Variants in PSD3 observed in about 807,000 individuals in gnomAD.
The protein encoded by PSD3 is pleckstrin and Sec7 domain containing 3, also known as PH and SEC7 domain-containing protein 3.
Under a neutral mutation model 105.5 loss-of-function variants are expected in PSD3, and 49 were observed. That is an observed-to-expected ratio of 0.46 (90% CI 0.37 to 0.59). PSD3 has a LOEUF of 0.59. PSD3 is among the 20% of genes least tolerant of loss of function. PSD3 has a pLI of 0.00. For synonymous variants in PSD3, 557 were observed against 457.8 expected (o/e 1.22, Z -2.77); for missense variants, 1,561 against 1,263.8 (o/e 1.24, Z -3.57).
At chr8:18,580,219 A>G (rs17643851) in intron 12 of PSD3, among the ~76,000 whole-genome samples, 5,468 of 152,226 alleles carry the variant, frequency 0.036, 162 homozygotes, top group East Asian at 0.11. Context: ...TGAGCTCACA[A>G]GAAAGCAGGA....
At chr8:18,606,229 C>G (rs1210282270) in intron 11 of PSD3, among the ~76,000 whole-genome samples, 1 of 152,146 alleles carries the variant, frequency 6.6e-6, no homozygotes, top group African/African-American at 2.4e-5. Context: ...TCACTTCATT[C>G]CACTTGTGAC....
intron 1 of PSD3, among the ~76,000 whole-genome samples, chr8:19,083,648 G>A (rs1318167703): frequency 6.6e-6 from 1 of 151,222 alleles, no homozygotes; most frequent in African/African-American, 2.5e-5. Context: ...CTGTGCTCCG[G>A]TTCTGGAAAC....
chr8:18,992,760 GACTTGAAGTCAACACCTGAGT>G (rs1179337998), intron 1 of PSD3, among the ~76,000 whole-genome samples: 1 of 151,962 alleles, frequency 6.6e-6, no homozygotes, highest in Admixed American at 6.6e-5. Context: ...TTAAGTAGTG[GACTTGAAGTCAACACCTGAGT>G]ACTTGTCCAA....
intron 4 of PSD3, among the ~76,000 whole-genome samples, chr8:18,864,148 T>C (rs867956478): frequency 2.6e-5 from 4 of 152,222 alleles, no homozygotes; most frequent in African/African-American, 7.2e-5. Flanking sequence ...GTTGAAGATA[T>C]CTGGTCTTGT....
At chr8:19,057,573 C>A (rs1468503291) in intron 1 of PSD3, among the ~76,000 whole-genome samples, 2 of 152,102 alleles carry the variant, frequency 1.3e-5, no homozygotes, top group Non-Finnish European at 2.9e-5. Context: ...CCATCCTTAG[C>A]CACCTTACCC....
At chr8:18,859,235 T>C (rs898005783) in intron 4 of PSD3, among the ~76,000 whole-genome samples, 14 of 151,778 alleles carry the variant, frequency 9.2e-5, no homozygotes, top group Non-Finnish European at 1.8e-4. Context: ...TTTTTTTTTT[T>C]TTTTTTGCCT....
intron 1 of PSD3, among the ~76,000 whole-genome samples, chr8:18,956,329 C>G (rs2129470680): frequency 6.6e-6 from 1 of 152,282 alleles, no homozygotes; most frequent in African/African-American, 2.4e-5. Context: ...AACTCTGGTT[C>G]TGATCCAGCA....
chr8:19,065,713 A>T (rs1236189151), intron 1 of PSD3, among the ~76,000 whole-genome samples: 1 of 152,200 alleles, frequency 6.6e-6, no homozygotes, highest in African/African-American at 2.4e-5. Context: ...AGGAACCTCC[A>T]TGGGTTCAGC....
intron 11 of PSD3, among the ~76,000 whole-genome samples, chr8:18,624,417 G>C (rs1034601976): frequency 8.6e-5 from 13 of 150,658 alleles, no homozygotes; most frequent in African/African-American, 9.8e-5. Flanking sequence ...GCCTCTTCAA[G>C]TTTTTGCCCA....
intron 12 of PSD3, among the ~76,000 whole-genome samples, chr8:18,577,208 A>G (rs1802513677): frequency 6.6e-6 from 1 of 151,964 alleles, no homozygotes; most frequent in South Asian, 2.1e-4. Context: ...AATTTAAGGT[A>G]AAGTTTTAGT....
intron 9 of PSD3, among the ~76,000 whole-genome samples, chr8:18,686,245 T>C (rs1011374632): frequency 6.6e-6 from 1 of 152,188 alleles, no homozygotes; most frequent in Non-Finnish European, 1.5e-5. Flanking sequence ...CCACTTGTTC[T>C]CTTGTTTTCA....
chr8:18,773,661 A>T (rs1313547105), intron 8 of PSD3, among the ~76,000 whole-genome samples: 1 of 152,128 alleles, frequency 6.6e-6, no homozygotes, highest in Admixed American at 6.5e-5. Context: ...TGGTTTGATA[A>T]GTTTTGAAAT....
intron 1 of PSD3, among the ~76,000 whole-genome samples, chr8:19,082,939 C>A (rs1829689281): frequency 6.6e-6 from 1 of 152,208 alleles, no homozygotes; most frequent in Non-Finnish European, 1.5e-5. Context: ...CGTTTCTTAA[C>A]TGTGGCTACG....
intron 14 of PSD3, among the ~76,000 whole-genome samples, chr8:18,558,953 T>A (rs950539777): frequency 6.6e-6 from 1 of 152,238 alleles, no homozygotes. Context: ...ACATGTATGC[T>A]CTAGTTCCTG....
At chr8:19,061,232 C>T (rs1828884946) in intron 1 of PSD3, among the ~76,000 whole-genome samples, 1 of 151,988 alleles carries the variant, frequency 6.6e-6, no homozygotes, top group African/African-American at 2.4e-5. Context: ...CACAGCCACA[C>T]CACATTGAGA....
chr8:18,551,340 C>A (rs1563313338), intron 15 of PSD3, among the ~76,000 whole-genome samples: 1 of 152,160 alleles, frequency 6.6e-6, no homozygotes, highest in Non-Finnish European at 1.5e-5. Context: ...GGTTTACTAT[C>A]TGAAATTTAT....
intron 4 of PSD3, among the ~76,000 whole-genome samples, chr8:18,856,212 C>A (rs149822157): frequency 6.6e-6 from 1 of 152,204 alleles, no homozygotes; most frequent in Non-Finnish European, 1.5e-5. Context: ...TGACATCCCA[C>A]GATGCAAGTA....
At chr8:18,995,217 G>C (rs1457754545) in intron 1 of PSD3, among the ~76,000 whole-genome samples, 1 of 152,104 alleles carries the variant, frequency 6.6e-6, no homozygotes, top group Non-Finnish European at 1.5e-5. Flanking sequence ...TGTACTCAGA[G>C]GTCTAGGACA....
chr8:18,989,530 T>C (rs915754479), intron 1 of PSD3: 1 of 152,226 alleles, frequency 6.6e-6, no homozygotes, highest in Non-Finnish European at 1.5e-5. Flanking sequence ...ATAGGTTAGA[T>C]GATTTAATGA....
Sources: allele counts gnomAD v4.1 joint callset (sites outside exome capture counted in the v4.1 genomes callset), GRCh38; gene constraint gnomAD v4.1.1; transcripts MANE v1.5; gene names NCBI Gene and HGNC (gene_info 2026-07-23, HGNC 2026-07-21).